The following KCNIP4 variants were observed in gnomAD, a reference collection of about 807,000 sequenced individuals.
KCNIP4 encodes the protein potassium voltage-gated channel interacting protein 4, also known as Kv channel-interacting protein 4.
KCNIP4 carries 12 observed loss-of-function variants against 34.0 expected under a neutral mutation model. The ratio of observed to expected loss-of-function variants is 0.35; its 90% CI spans 0.23 to 0.57. The LOEUF is 0.57. Ranked by LOEUF, KCNIP4 falls within the 20% of genes least tolerant of loss-of-function variation. KCNIP4 has a pLI of 0.83. For synonymous variants in KCNIP4, 124 were observed against 102.2 expected (o/e 1.21, Z -1.29); for missense variants, 238 against 311.7 (o/e 0.76, Z 1.78).
chr4:21,076,811 C>T (rs555117829), intron 1 of KCNIP4, among the ~76,000 whole-genome samples: 49 of 152,126 alleles, frequency 3.2e-4, no homozygotes, highest in African/African-American at 9.9e-4. Flanking sequence ...AGTTATCTAC[C>T]GAGTAGATTG....
At chr4:21,372,738 A>C (rs1240252427) in intron 1 of KCNIP4, among the ~76,000 whole-genome samples, 1 of 146,692 alleles carries the variant, frequency 6.8e-6, no homozygotes, top group African/African-American at 2.7e-5. Context: ...ATCCAAAATT[A>C]CTACAAGGAA....
intron 1 of KCNIP4, among the ~76,000 whole-genome samples, chr4:21,238,017 A>C (rs1759503437): frequency 1.3e-5 from 2 of 152,174 alleles, no homozygotes; most frequent in South Asian, 4.1e-4. Flanking sequence ...AGCACATCAA[A>C]AAGCTTATCC....
intron 1 of KCNIP4, among the ~76,000 whole-genome samples, chr4:21,588,517 C>T (rs1741833367): frequency 6.6e-6 from 1 of 151,954 alleles, no homozygotes; most frequent in Admixed American, 6.6e-5. Context: ...GGATTGTAAC[C>T]CTAAGTGTCC....
chr4:20,750,938 A>G (rs1753501734), intron 4 of KCNIP4, among the ~76,000 whole-genome samples: 2 of 152,184 alleles, frequency 1.3e-5, no homozygotes, highest in African/African-American at 2.4e-5. Context: ...ATTGCTTTTT[A>G]TAGGCTGTCA....
At chr4:20,757,366 C>A (rs1754568621) in intron 4 of KCNIP4, among the ~76,000 whole-genome samples, 1 of 152,136 alleles carries the variant, frequency 6.6e-6, no homozygotes, top group South Asian at 2.1e-4. Context: ...AGTTAATCTT[C>A]CACTGACCTA....
At chr4:21,616,828 C>A (rs116837730) in intron 1 of KCNIP4, among the ~76,000 whole-genome samples, 1 of 152,100 alleles carries the variant, frequency 6.6e-6, no homozygotes, top group Non-Finnish European at 1.5e-5. Context: ...CATCTTAATA[C>A]GTGTTACATC....
chr4:21,884,511 G>A (rs1029301624), intron 1 of KCNIP4, among the ~76,000 whole-genome samples: 1 of 152,004 alleles, frequency 6.6e-6, no homozygotes. Context: ...AATTCCAAAC[G>A]GGATAAATGG....
chr4:21,097,745 G>GA (rs904240221), intron 1 of KCNIP4, among the ~76,000 whole-genome samples: 4 of 152,034 alleles, frequency 2.6e-5, no homozygotes, highest in African/African-American at 7.2e-5. Flanking sequence ...TATTCCCTGA[G>GA]AAAAAACATT....
At chr4:21,008,262 T>A (rs935818009) in intron 1 of KCNIP4, among the ~76,000 whole-genome samples, 9 of 152,286 alleles carry the variant, frequency 5.9e-5, no homozygotes, top group African/African-American at 1.9e-4. Flanking sequence ...CCAAACCGTC[T>A]CCCCATTCTG....
At position 21,928,115 on chromosome 4, in the gene KCNIP4, T is replaced by C. The variant is rs879627905; in HGVS notation, c.61+20456A>G. ...TGCCTAGTCCAGATTAGACTATATA[T>C]ATATATATATATACACACACACACA... On this transcript the variant is annotated intron_variant, in intron 1 of 8. Coordinates refer to ENST00000382152, the MANE Select transcript of KCNIP4 (RefSeq NM_025221.6). Among the ~76,000 whole-genome samples, 343 of 102,182 alleles carry C rather than the reference T, an allele frequency of 3.4e-3. 1 individual carries two copies. Among genetic ancestry groups the C allele is most frequent in the Non-Finnish European group, 4.4e-3 (223 of 50,190 alleles). 67.0% of individuals were successfully genotyped at this position (102,182 alleles called of 152,430 possible).
At chr4:21,798,404 C>CATACAT (rs557219481) in intron 1 of KCNIP4, among the ~76,000 whole-genome samples, 4 of 129,672 alleles carry the variant, frequency 3.1e-5, no homozygotes, top group South Asian at 2.5e-4. Flanking sequence ...CAAAAAAATA[C>CATACAT]ATATATATAT....
chr4:21,460,105 C>G (rs1036304450), intron 1 of KCNIP4, among the ~76,000 whole-genome samples: 1 of 149,546 alleles, frequency 6.7e-6, no homozygotes, highest in Non-Finnish European at 1.5e-5. Flanking sequence ...TGCCCCCCGC[C>G]CCCCATCTCT....
chr4:21,020,726 G>A (rs1393825013), intron 1 of KCNIP4, among the ~76,000 whole-genome samples: 1 of 152,092 alleles, frequency 6.6e-6, no homozygotes, highest in East Asian at 1.9e-4. Flanking sequence ...AGGTAAATTG[G>A]AACTATTATC....
chr4:21,762,771 T>A (rs1718146587), intron 1 of KCNIP4: 2 of 437,476 alleles, frequency 4.6e-6, no homozygotes, highest in Non-Finnish European at 3.7e-6. Flanking sequence ...CTTCCACGAG[T>A]CATCAAAACC....
intron 1 of KCNIP4, among the ~76,000 whole-genome samples, chr4:21,485,849 C>A (rs1048541045): frequency 6.6e-6 from 1 of 152,142 alleles, no homozygotes; most frequent in African/African-American, 2.4e-5. Context: ...TAACGAACGA[C>A]CGTCATAAAG....
chr4:20,974,142 C>A (rs556896758), intron 1 of KCNIP4, among the ~76,000 whole-genome samples: 3 of 152,166 alleles, frequency 2.0e-5, no homozygotes, highest in Non-Finnish European at 4.4e-5. Flanking sequence ...ATGTGAAGTG[C>A]AAGAACACAA....
rs370037204 is a variant in KCNIP4 at position 20,993,070 on chromosome 4, T to G, written c.62-110361A>C. ...AAAAAAAGAGAGCACAGAATAAATG[T>G]TTAGAGAATGCCTACCAGAATGCAG... On this transcript the variant is annotated intron_variant, in intron 1 of 8. Coordinates refer to ENST00000382152, the MANE Select transcript of KCNIP4 (RefSeq NM_025221.6). 2.7e-5 allele frequency among the ~76,000 whole-genome samples: 4 copies of G among 149,826 alleles called. No homozygotes were observed. In the East Asian group the frequency reaches 5.9e-4, roughly 22 times the overall value.
intron 1 of KCNIP4, among the ~76,000 whole-genome samples, chr4:21,123,808 C>T (rs1040545731): frequency 7.2e-5 from 11 of 152,112 alleles, no homozygotes. Flanking sequence ...TCTCTCTCCA[C>T]TTTCATGTAC....
chr4:20,982,929 G>T (rs147248572), intron 1 of KCNIP4, among the ~76,000 whole-genome samples: 2 of 152,134 alleles, frequency 1.3e-5, no homozygotes, highest in South Asian at 4.1e-4. Flanking sequence ...TCTCATGGAC[G>T]TCATTCTTTC....
Sources: allele counts gnomAD v4.1 joint callset (sites outside exome capture counted in the v4.1 genomes callset), GRCh38; gene constraint gnomAD v4.1.1; transcripts MANE v1.5; gene names NCBI Gene and HGNC (gene_info 2026-07-23, HGNC 2026-07-21).